Variants in LRMDA observed in about 807,000 individuals in gnomAD.
LRMDA encodes leucine-rich melanocyte differentiation-associated protein.
LRMDA carries 18 observed loss-of-function variants against 29.8 expected under a neutral mutation model. That is an observed-to-expected ratio of 0.60 (90% CI 0.42 to 0.90). LRMDA has a LOEUF of 0.90. Ranked by LOEUF, LRMDA falls within the 40% of genes least tolerant of loss-of-function variation. The pLI, the probability that LRMDA is intolerant of heterozygous loss-of-function variation, is 0.00. For missense variants in LRMDA, 273 were observed against 273.9 expected, an observed-to-expected ratio of 1.00 and a Z score of 0.02; for synonymous variants, 125 against 109.4, an observed-to-expected ratio of 1.14 and a Z score of -0.89.
chr10:76,043,305 T>C (rs1848371375), intron 3 of LRMDA, among the ~76,000 whole-genome samples: 1 of 152,180 alleles, frequency 6.6e-6, no homozygotes. Context: ...GTAAGAGTAT[T>C]ACTGGAAGCC....
At chr10:75,761,804 T>TG (rs1843100279) in intron 2 of LRMDA, among the ~76,000 whole-genome samples, 1 of 139,808 alleles carries the variant, frequency 7.2e-6, no homozygotes, top group African/African-American at 3.2e-5. Flanking sequence ...GTTTTTTTTT[T>TG]TTTGTTTTTT....
In LRMDA at chr10:76,206,983, C is replaced by T. The variant is rs536504605; in HGVS notation, c.517-117418C>T. ...GCCACAACAATTCTGTAAACATAGGCGTCATCATTTCCATTTCATATGGAG... is the reference window on the plus strand; with the variant it reads ...GCCACAACAATTCTGTAAACATAGGTGTCATCATTTCCATTTCATATGGAG... On this transcript the variant is annotated intron_variant, in intron 5 of 6. Coordinates refer to ENST00000611255, the MANE Select transcript of LRMDA (RefSeq NM_001305581.2). Among the ~76,000 whole-genome samples, 3 of 152,238 alleles carry T rather than the reference C, an allele frequency of 2.0e-5. No individual in the cohort carries two copies. The East Asian group carries it at 5.8e-4, about 29-fold the overall frequency.
rs1383769011 is a variant in LRMDA at position 76,482,113 on chromosome 10, T to C, written c.602-75096T>C. On this transcript the variant is annotated intron_variant, in intron 6 of 6. Transcript: ENST00000611255. ...CTTGGTTCATAACATGATAATCTTA[T>C]CCAGTTTGGGCAATTGAAGTAACTT... Among the ~76,000 whole-genome samples the C allele has an allele frequency of 3.9e-5, 6 of 151,948 alleles. 1 individual carries two copies. The South Asian group carries it at 1.0e-3, about 26-fold the overall frequency.
chr10:76,165,963 G>A (rs1304394766), intron 5 of LRMDA, among the ~76,000 whole-genome samples: 1 of 152,194 alleles, frequency 6.6e-6, no homozygotes, highest in East Asian at 1.9e-4. Context: ...TGAACAAACA[G>A]TATGGTTCTT....
intron 5 of LRMDA, among the ~76,000 whole-genome samples, chr10:76,260,083 T>G (rs1839913950): frequency 6.6e-6 from 1 of 152,122 alleles, no homozygotes; most frequent in Non-Finnish European, 1.5e-5. Context: ...ACATACAAGG[T>G]TATTACTGAT....
intron 2 of LRMDA, among the ~76,000 whole-genome samples, chr10:75,653,999 A>T (rs918746448): frequency 6.6e-6 from 1 of 152,136 alleles, no homozygotes; most frequent in African/African-American, 2.4e-5. Context: ...CTCTATGTGG[A>T]CATTTGGTCC....
chr10:75,754,887 GCTGGATAA>G (rs541745642), intron 2 of LRMDA, among the ~76,000 whole-genome samples: 70 of 152,140 alleles, frequency 4.6e-4, no homozygotes, highest in African/African-American at 1.5e-3. Context: ...ATAGATTGTT[GCTGGATAA>G]CTTTTCCTGC....
At chr10:76,511,934 GA>G (rs1480515931) in intron 6 of LRMDA, among the ~76,000 whole-genome samples, 3 of 151,348 alleles carry the variant, frequency 2.0e-5, no homozygotes, top group African/African-American at 7.3e-5. Context: ...TGAAAAAGAA[GA>G]CAAAGTAGGA....
chr10:76,190,233 A>G (rs1851221123), intron 5 of LRMDA, among the ~76,000 whole-genome samples: 1 of 149,514 alleles, frequency 6.7e-6, no homozygotes. Flanking sequence ...TTAGGATTTA[A>G]AAAAAAAATT....
At chr10:76,264,756 A>G (rs758021437) in intron 5 of LRMDA, among the ~76,000 whole-genome samples, 4 of 152,216 alleles carry the variant, frequency 2.6e-5, no homozygotes, top group Admixed American at 6.5e-5. Flanking sequence ...GTGAAAGGAA[A>G]ATTTAATGGG....
At chr10:75,609,314 T>C (rs750683374) in intron 2 of LRMDA, among the ~76,000 whole-genome samples, 16 of 152,192 alleles carry the variant, frequency 1.1e-4, no homozygotes, top group Non-Finnish European at 1.9e-4. Context: ...GGGCTGTTCA[T>C]GAGTGAAGTG....
At chr10:76,476,405 T>G (rs1280132040) in intron 6 of LRMDA, among the ~76,000 whole-genome samples, 3 of 152,054 alleles carry the variant, frequency 2.0e-5, no homozygotes, top group Non-Finnish European at 4.4e-5. Context: ...GAGGCAATAA[T>G]TAATAGCTTA....
intron 5 of LRMDA, among the ~76,000 whole-genome samples, chr10:76,101,566 GTC>G (rs1849394923): frequency 6.6e-6 from 1 of 152,096 alleles, no homozygotes; most frequent in African/African-American, 2.4e-5. Flanking sequence ...GGGAAGCTCT[GTC>G]TCTATTAAAA....
intron 5 of LRMDA, among the ~76,000 whole-genome samples, chr10:76,175,090 C>G (rs1161114866): frequency 1.3e-5 from 2 of 152,186 alleles, no homozygotes; most frequent in African/African-American, 2.4e-5. Context: ...CCACTGCACT[C>G]TAGCCTGGGT....
intron 5 of LRMDA, among the ~76,000 whole-genome samples, chr10:76,221,395 A>C (rs575059431): frequency 2.6e-4 from 39 of 152,334 alleles, no homozygotes; most frequent in Middle Eastern, 3.4e-3. Flanking sequence ...CCCAAAATCT[A>C]CTTAAGCTGA....
chr10:75,763,976 C>A (rs1477214207), intron 2 of LRMDA, among the ~76,000 whole-genome samples: 1 of 152,148 alleles, frequency 6.6e-6, no homozygotes, highest in Non-Finnish European at 1.5e-5. Context: ...ATCAAGGTAT[C>A]AAGCGTGCTG....
intron 2 of LRMDA, among the ~76,000 whole-genome samples, chr10:76,015,712 C>T (rs1847869480): frequency 6.6e-6 from 1 of 152,170 alleles, no homozygotes; most frequent in South Asian, 2.1e-4. Context: ...ACACCATCAG[C>T]TATCAATCTG....
intron 5 of LRMDA, among the ~76,000 whole-genome samples, chr10:76,254,208 C>T (rs1852538722): frequency 6.6e-6 from 1 of 151,976 alleles, no homozygotes; most frequent in African/African-American, 2.4e-5. Context: ...TAATTATATA[C>T]TCAGAATTTC....
chr10:76,425,172 C>A (rs566693015), intron 6 of LRMDA, among the ~76,000 whole-genome samples: 238 of 152,268 alleles, frequency 1.6e-3, no homozygotes, highest in African/African-American at 5.6e-3. Flanking sequence ...ATCAAATTTA[C>A]TTAATGTCAA....
Sources: gnomAD v4.1 joint callset for allele counts (sites outside exome capture counted in the v4.1 genomes callset) on GRCh38, gnomAD v4.1.1 for gene constraint, MANE v1.5 for transcripts, NCBI Gene and HGNC (gene_info 2026-07-23, HGNC 2026-07-21) for gene names.